Variants in PCDHGB7 observed in about 807,000 individuals in gnomAD.
PCDHGB7 encodes protocadherin gamma subfamily B, 7.
A neutral mutation model predicts 61.4 loss-of-function variants in PCDHGB7; 37 were observed. That is an observed-to-expected ratio of 0.60 (90% CI 0.46 to 0.79). The LOEUF is 0.79. Among genes scored for constraint, PCDHGB7 ranks in the 30% least tolerant of loss-of-function variants. The pLI is 0.00. For synonymous variants in PCDHGB7, 464 were observed against 503.5 expected, an observed-to-expected ratio of 0.92 and a Z score of 1.05; for missense variants, 1,166 against 1,202.5, an observed-to-expected ratio of 0.97 and a Z score of 0.45.
Position 141,491,279 on chromosome 5 carries a change from T to G in PCDHGB7, c.2416-3528T>G. 1 of 1,614,110 alleles carries G rather than the reference T, an allele frequency of 6.2e-7. No individual in the cohort carries two copies. The highest frequency in any genetic ancestry group is 2.2e-5 in the East Asian group (1 of 44,878). ...GAGGAAATGCCCAAATCCAGTGACT[T>G]CCTCATACACCCTCCTGAGCGTTCA... On this transcript the variant is annotated intron_variant, in intron 1 of 3. Transcript: ENST00000398594. The surrounding 1 kb of genome is among the most constrained non-coding windows in gnomAD (Gnocchi z 6.9).
At chr5:141,450,742 C>A (rs2098692216) in intron 1 of PCDHGB7, among the ~76,000 whole-genome samples, 1 of 152,118 alleles carries the variant, frequency 6.6e-6, no homozygotes, top group South Asian at 2.1e-4. Context: ...CCGCCTTGGC[C>A]TCCCAAAGTG....
chr5:141,503,213 A>G (rs1368413073), intron 2 of PCDHGB7, among the ~76,000 whole-genome samples: 1 of 152,100 alleles, frequency 6.6e-6, no homozygotes, highest in Non-Finnish European at 1.5e-5. Flanking sequence ...AGTGCCCACC[A>G]TGAGCACCGT....
chr5:141,484,941 C>T (rs2099604065), intron 1 of PCDHGB7: 2 of 543,888 alleles, frequency 3.7e-6, no homozygotes, highest in East Asian at 6.3e-5. Context: ...ACGTTCTCTG[C>T]TCAGCCTATT....
intron 1 of PCDHGB7, among the ~76,000 whole-genome samples, chr5:141,464,934 G>T (rs1353581045): frequency 1.3e-5 from 2 of 151,416 alleles, no homozygotes; most frequent in African/African-American, 4.8e-5. Flanking sequence ...GAGATGTGAG[G>T]TCTCACTATG....
At chr5:141,428,616 G>A (rs2097151212) in intron 1 of PCDHGB7, 1 of 207,844 alleles carries the variant, frequency 4.8e-6, no homozygotes, top group Admixed American at 5.3e-5. Flanking sequence ...AGAATAACAA[G>A]ATAAGCTCTA....
chr5:141,497,796 TC>T (rs1251163385), intron 2 of PCDHGB7, among the ~76,000 whole-genome samples: 2 of 152,160 alleles, frequency 1.3e-5, no homozygotes, highest in African/African-American at 2.4e-5. Context: ...TGCTTCAGCT[TC>T]CCAAAGTGCT....
chr5:141,490,605 C>A lies in PCDHGB7; in HGVS notation c.2416-4202C>A. On this transcript the variant is annotated intron_variant, in intron 1 of 3. Transcript: ENST00000398594. The surrounding 1 kb of genome is among the most constrained non-coding windows in gnomAD (Gnocchi z 5.4). ...TCAATGACAATGCACCCCGCTTCAA[C>A]CAGCAGCTTTACACTGCTTACATCC... 6.2e-6 allele frequency: 10 copies of A among 1,614,198 alleles called. No individual in the cohort carries two copies. The highest frequency in any genetic ancestry group is 8.5e-6 in the Non-Finnish European group (10 of 1,180,030).
Position 141,485,778 on chromosome 5 carries a change from G to C in PCDHGB7, c.2416-9029G>C. 1 of 1,614,216 alleles carries C rather than the reference G, an allele frequency of 6.2e-7. No homozygotes were observed. Among genetic ancestry groups the C allele is most frequent in the Non-Finnish European group, 8.5e-7 (1 of 1,180,048 alleles). On this transcript the variant is annotated intron_variant, in intron 1 of 3. Transcript: ENST00000398594. The surrounding 1 kb of genome is among the most constrained non-coding windows in gnomAD (Gnocchi z 5.7). ...CTGCTCCTGGAGAAGCCTTTGGATCGAGAGAAGCAATCGGACTACCGCCTG... is the reference window on the plus strand; with the variant it reads ...CTGCTCCTGGAGAAGCCTTTGGATCCAGAGAAGCAATCGGACTACCGCCTG...
At chr5:141,421,455 C>T (rs762490406) in intron 1 of PCDHGB7, 7 of 1,614,108 alleles carry the variant, frequency 4.3e-6, no homozygotes, top group Non-Finnish European at 4.2e-6. Flanking sequence ...CACAGCTTTT[C>T]GCTGTGAATC....
intron 1 of PCDHGB7, chr5:141,426,449 G>A (rs1449929836): frequency 1.6e-5 from 5 of 307,646 alleles, no homozygotes; most frequent in East Asian, 8.0e-5. Flanking sequence ...GAGGACATGC[G>A]GCTGCATGTT....
At chr5:141,442,974 A>C (rs1444888648) in intron 1 of PCDHGB7, among the ~76,000 whole-genome samples, 1 of 152,176 alleles carries the variant, frequency 6.6e-6, no homozygotes, top group Non-Finnish European at 1.5e-5. Flanking sequence ...CTGGCTGATA[A>C]AGTTAGCCTA....
At chr5:141,427,411 A>C (rs1256606726) in intron 1 of PCDHGB7, 2 of 464,124 alleles carry the variant, frequency 4.3e-6, no homozygotes, top group Admixed American at 2.3e-5. Flanking sequence ...GATTCGAGAG[A>C]AAATGGGGAG....
chr5:141,448,784 C>CA (rs576464275), intron 1 of PCDHGB7, among the ~76,000 whole-genome samples: 7,532 of 145,718 alleles, frequency 0.052, 302 homozygotes, highest in African/African-American at 0.11. Flanking sequence ...ACTAAAAATA[C>CA]AAAAAAAAAA....
intron 1 of PCDHGB7, chr5:141,428,374 C>G: frequency 1.9e-6 from 1 of 530,640 alleles, no homozygotes; most frequent in South Asian, 1.9e-5. Context: ...CTTGCACCTG[C>G]GATGCTCTTC....
chr5:141,487,123 T>C lies in PCDHGB7; in HGVS notation c.2416-7684T>C. 6.2e-7 allele frequency: 1 copy of C among 1,614,086 alleles called. No homozygotes were observed. The highest frequency in any genetic ancestry group is 1.1e-5 in the South Asian group (1 of 91,082). On this transcript the variant is annotated intron_variant, in intron 1 of 3. Coordinates refer to ENST00000398594, the MANE Select transcript of PCDHGB7 (RefSeq NM_018927.4). The surrounding 1 kb of genome is among the most constrained non-coding windows in gnomAD (Gnocchi z 5.0). ...AGCTGGTCATTGTGGTAAAGGATAG[T>C]GGTAGTCCACCACTCTCTACCTCTG...
chr5:141,422,907 G>C (rs1330364637), intron 1 of PCDHGB7: 4 of 1,614,078 alleles, frequency 2.5e-6, no homozygotes, highest in Non-Finnish European at 3.4e-6. Flanking sequence ...ACGACAATGC[G>C]CCCGAGATCC....
chr5:141,484,959 C>A, intron 1 of PCDHGB7: 2 of 575,576 alleles, frequency 3.5e-6, no homozygotes, highest in Non-Finnish European at 6.2e-6. Flanking sequence ...ATTGGCTGAG[C>A]CCGGGAGCCG....
rs563283218 is a variant in PCDHGB7, at chr5:141,431,573, G to A, written c.2415+11299G>A. On this transcript the variant is annotated intron_variant, in intron 1 of 3. Coordinates refer to ENST00000398594, the MANE Select transcript of PCDHGB7 (RefSeq NM_018927.4). This position sits in a 1 kb window ranked among gnomAD's most constrained non-coding sequence, Gnocchi z 4.8. ...AGTCAACGCTACCGACCCTGACGAA[G>A]GAGTCAATGCGGAAGTGAGGTATTC... 5.6e-6 allele frequency: 9 copies of A among 1,614,186 alleles called. No homozygotes were observed. The South Asian group carries it at 8.8e-5, about 16-fold the overall frequency.
Position 141,431,687 on chromosome 5 carries a change from G to A in PCDHGB7, c.2415+11413G>A. On this transcript the variant is annotated intron_variant, in intron 1 of 3. Transcript: ENST00000398594. This position sits in a 1 kb window ranked among gnomAD's most constrained non-coding sequence, Gnocchi z 4.8. ...ATCAACAATAGGGGAGTTGGACCAC[G>A]AGGAGTCAGGATTCTACCAGATGGA... The A allele has an allele frequency of 1.9e-6, 3 of 1,614,214 alleles. No homozygotes were observed. Among genetic ancestry groups the A allele is most frequent in the Middle Eastern group, 1.6e-4 (1 of 6,062 alleles).
Sources: gnomAD v4.1 joint callset for allele counts (sites outside exome capture counted in the v4.1 genomes callset) on GRCh38, gnomAD v4.1.1 for gene constraint, Gnocchi (gnomAD v3.1) non-coding constraint, MANE v1.5 for transcripts, NCBI Gene and HGNC (gene_info 2026-07-23, HGNC 2026-07-21) for gene names.